The following PSIP1 variants were observed in gnomAD, a reference collection of about 807,000 sequenced individuals.
The protein encoded by PSIP1 is PC4 and SRSF1 interacting protein 1.
In PSIP1, 19 loss-of-function variants were observed where a neutral mutation model predicts 74.7. That is an observed-to-expected ratio of 0.25 (90% CI 0.18 to 0.37). The LOEUF (loss-of-function observed/expected upper bound fraction) is 0.37. Among genes scored for constraint, PSIP1 ranks in the 10% least tolerant of loss-of-function variants. The pLI is 1.00. For synonymous variants in PSIP1, 222 were observed against 195.3 expected (o/e 1.14, Z -1.14); for missense variants, 601 against 614.3 (o/e 0.98, Z 0.23).
chr9:15,480,775 G>T (rs1024235072), intron 6 of PSIP1, among the ~76,000 whole-genome samples: 13 of 152,048 alleles, frequency 8.5e-5, no homozygotes, highest in African/African-American at 3.1e-4. Flanking sequence ...CAAAAGATTA[G>T]CCAGGCTTGT....
chr9:15,475,344 T>C (rs892246865), intron 8 of PSIP1, among the ~76,000 whole-genome samples: 1 of 152,156 alleles, frequency 6.6e-6, no homozygotes, highest in African/African-American at 2.4e-5. Context: ...TGTAAATATT[T>C]TGATAATCAG....
At chr9:15,488,219 C>G (rs749495650) in intron 4 of PSIP1, among the ~76,000 whole-genome samples, 5 of 152,014 alleles carry the variant, frequency 3.3e-5, no homozygotes, top group Non-Finnish European at 7.4e-5. Flanking sequence ...GTAATCCCAG[C>G]TACTCAGGAG....
At chr9:15,466,462 G>C (rs1002274929) in intron 15 of PSIP1, among the ~76,000 whole-genome samples, 15 of 152,344 alleles carry the variant, frequency 9.8e-5, no homozygotes, top group African/African-American at 3.6e-4. Context: ...AAGTGTGAAT[G>C]CAAGTCATTA....
chr9:15,496,518 T>A (rs1185131240), intron 3 of PSIP1, among the ~76,000 whole-genome samples: 3 of 152,194 alleles, frequency 2.0e-5, no homozygotes, highest in Non-Finnish European at 4.4e-5. Flanking sequence ...AATGTTTACA[T>A]TTAGTTTTAT....
intron 3 of PSIP1, among the ~76,000 whole-genome samples, chr9:15,504,275 C>T (rs2037480505): frequency 6.6e-6 from 1 of 152,176 alleles, no homozygotes; most frequent in Non-Finnish European, 1.5e-5. Context: ...TCTTCATTAA[C>T]TATCTAATTA....
intron 3 of PSIP1, among the ~76,000 whole-genome samples, chr9:15,499,586 G>C (rs1251395514): frequency 6.6e-6 from 1 of 152,084 alleles, no homozygotes. Context: ...AAAGAAACAA[G>C]TCACAGGCCA....
At chr9:15,499,116 G>A (rs1042315138) in intron 3 of PSIP1, among the ~76,000 whole-genome samples, 8 of 152,162 alleles carry the variant, frequency 5.3e-5, no homozygotes, top group African/African-American at 1.7e-4. Context: ...CAAAAAGACT[G>A]ACTCAGGCAA....
chr9:15,468,148 G>C (rs1287299489), intron 14 of PSIP1, among the ~76,000 whole-genome samples: 3 of 150,916 alleles, frequency 2.0e-5, no homozygotes, highest in African/African-American at 7.4e-5. Context: ...AAAAGGACAT[G>C]GCATTAATAC....
At chr9:15,503,071 A>G (rs1305875341) in intron 3 of PSIP1, among the ~76,000 whole-genome samples, 3 of 152,224 alleles carry the variant, frequency 2.0e-5, no homozygotes, top group Admixed American at 6.5e-5. Context: ...AATCCAAACT[A>G]AAAAGTTCAA....
chr9:15,500,562 T>C (rs1383019519), intron 3 of PSIP1, among the ~76,000 whole-genome samples: 7 of 152,202 alleles, frequency 4.6e-5, no homozygotes, highest in Non-Finnish European at 1.0e-4. Flanking sequence ...TACGTGCAGC[T>C]ATGAAACTTG....
At chr9:15,466,979 CT>C in intron 14 of PSIP1, 120 bp from the exon 15 acceptor site, 1 of 708,400 alleles carries the variant, frequency 1.4e-6, no homozygotes. Context: ...TACTTAATGT[CT>C]TTTATTTGAA....
chr9:15,507,510 C>T (rs368062080), intron 2 of PSIP1, among the ~76,000 whole-genome samples: 2 of 151,920 alleles, frequency 1.3e-5, no homozygotes, highest in East Asian at 1.9e-4. Flanking sequence ...TAGCAGGGCA[C>T]GGTGTCAGGT....
chr9:15,471,130 C>T, intron 10 of PSIP1: 1 of 1,602,346 alleles, frequency 6.2e-7, no homozygotes, highest in Non-Finnish European at 8.5e-7. Context: ...AGATCTTCAT[C>T]TCTTGTTTGC....
chr9:15,471,142 C>T, intron 10 of PSIP1: 1 of 1,605,182 alleles, frequency 6.2e-7, no homozygotes, highest in Non-Finnish European at 8.5e-7. Flanking sequence ...CTTGTTTGCT[C>T]CACTTGTATT....
rs530769266 is a variant in PSIP1 at position 15,492,619 on chromosome 9, C to T, written c.150-2495G>A. ...CACAGCCAGTGCCCCAGTGCGGACT[C>T]GGTGTCGGGGATGCAACCCCACATT... On this transcript the variant is annotated intron_variant, in intron 3 of 15. Coordinates refer to ENST00000380733, the MANE Select transcript of PSIP1 (RefSeq NM_033222.5). 5.3e-5 allele frequency among the ~76,000 whole-genome samples: 8 copies of T among 152,294 alleles called. No individual in the cohort carries two copies. The East Asian group carries it at 9.7e-4, about 18-fold the overall frequency.
chr9:15,492,802 C>T (rs2036896010), intron 3 of PSIP1, among the ~76,000 whole-genome samples: 2 of 152,250 alleles, frequency 1.3e-5, no homozygotes, highest in Middle Eastern at 3.2e-3. Context: ...AGACCCAACA[C>T]CATGTGGAAG....
At chr9:15,483,746 T>C (rs576011993) in intron 6 of PSIP1, among the ~76,000 whole-genome samples, 108 of 152,146 alleles carry the variant, frequency 7.1e-4, no homozygotes, top group African/African-American at 2.2e-3. Context: ...AAATGACGCA[T>C]TCTTTGGGAG....
At chr9:15,478,212 T>G (rs2036179417) in intron 8 of PSIP1, among the ~76,000 whole-genome samples, 1 of 151,866 alleles carries the variant, frequency 6.6e-6, no homozygotes, top group Non-Finnish European at 1.5e-5. Flanking sequence ...TTGCCCAATT[T>G]CTCTATTATA....
intron 1 of PSIP1, among the ~76,000 whole-genome samples, 191 bp from the exon 2 acceptor site, chr9:15,510,520 T>C (rs1045858351): frequency 2.0e-5 from 3 of 151,892 alleles, no homozygotes; most frequent in Admixed American, 1.3e-4. Flanking sequence ...CGCCACCACC[T>C]GAAGCAGGGA....
Sources: allele counts gnomAD v4.1 joint callset (sites outside exome capture counted in the v4.1 genomes callset), GRCh38; gene constraint gnomAD v4.1.1; transcripts MANE v1.5; gene names NCBI Gene and HGNC (gene_info 2026-07-23, HGNC 2026-07-21).